Variants in PARD3 observed in about 807,000 individuals in gnomAD.
PARD3 encodes the protein par-3 family cell polarity regulator.
In PARD3, 75 loss-of-function variants were observed where a neutral mutation model predicts 155.4. That is an observed-to-expected ratio of 0.48 (90% CI 0.40 to 0.58). The LOEUF is 0.58. PARD3 is among the 20% of genes least tolerant of loss of function. The pLI, the probability that PARD3 is intolerant of heterozygous loss-of-function variation, is 0.00. For synonymous variants in PARD3, 576 were observed against 610.5 expected (o/e 0.94, Z 0.83); for missense variants, 1,642 against 1,721.7 (o/e 0.95, Z 0.82).
At chr10:34,142,251 A>C (rs1174922018) in intron 22 of PARD3, among the ~76,000 whole-genome samples, 3 of 152,178 alleles carry the variant, frequency 2.0e-5, no homozygotes, top group African/African-American at 7.2e-5. Flanking sequence ...ACTTTAGAAA[A>C]TAAAATGTTG....
In PARD3 at chr10:34,317,341, T is replaced by G; in HGVS notation, c.2834-3A>C. The G allele has an allele frequency of 8.8e-6, 14 of 1,585,146 alleles. No individual in the cohort carries two copies. Among genetic ancestry groups the G allele is most frequent in the Non-Finnish European group, 1.1e-5 (13 of 1,170,170 alleles). ...ACTTTCTTCTGTGTCTTCTTCCACTTGGAAGGAAAGAAAAAAAAATAGGGA... is the reference window on the plus strand; with the variant it reads ...ACTTTCTTCTGTGTCTTCTTCCACTGGGAAGGAAAGAAAAAAAAATAGGGA... On this transcript the variant is annotated splice_region_variant and splice_polypyrimidine_tract_variant and intron_variant, in intron 19 of 24. Coordinates refer to ENST00000374788, the MANE Select transcript of PARD3 (RefSeq NM_001184785.2).
chr10:34,588,001 C>T (rs2088265078), intron 2 of PARD3, among the ~76,000 whole-genome samples: 1 of 152,140 alleles, frequency 6.6e-6, no homozygotes, highest in Non-Finnish European at 1.5e-5. Flanking sequence ...TTTCATTCTG[C>T]ATTACTAAGA....
chr10:34,503,537 T>C (rs1198485845), intron 3 of PARD3, among the ~76,000 whole-genome samples: 1 of 152,196 alleles, frequency 6.6e-6, no homozygotes, highest in African/African-American at 2.4e-5. Flanking sequence ...TATATATGTA[T>C]TTGTATATAC....
intron 7 of PARD3, among the ~76,000 whole-genome samples, chr10:34,393,762 T>C (rs1843060814): frequency 6.6e-6 from 1 of 152,024 alleles, no homozygotes; most frequent in South Asian, 2.1e-4. Context: ...TAGCCATAAT[T>C]GTTTTCCATA....
chr10:34,472,431 T>C (rs2078412563), intron 3 of PARD3, among the ~76,000 whole-genome samples: 1 of 152,182 alleles, frequency 6.6e-6, no homozygotes, highest in Non-Finnish European at 1.5e-5. Context: ...TAAGGAAAGT[T>C]CTCTACCAAG....
At chr10:34,290,678 C>A (rs989531918) in intron 20 of PARD3, among the ~76,000 whole-genome samples, 12 of 152,174 alleles carry the variant, frequency 7.9e-5, no homozygotes, top group African/African-American at 2.7e-4. Flanking sequence ...TCCATTCTGT[C>A]CCTTTCTTCA....
chr10:34,741,173 A>ATTTTTT (rs1470627211), intron 1 of PARD3, among the ~76,000 whole-genome samples: 110 of 82,922 alleles, frequency 1.3e-3, no homozygotes, highest in African/African-American at 3.5e-3. Context: ...TCGTAAACCA[A>ATTTTTT]ATTTTTTTTT....
chr10:34,346,396 G>A (rs1215684358), intron 15 of PARD3: 2 of 1,337,184 alleles, frequency 1.5e-6, no homozygotes, highest in South Asian at 1.2e-5. Flanking sequence ...CAGGACGCAG[G>A]TTACAGGAAC....
At chr10:34,792,109 T>G (rs1813175455) in intron 1 of PARD3, among the ~76,000 whole-genome samples, 1 of 152,100 alleles carries the variant, frequency 6.6e-6, no homozygotes, top group Admixed American at 6.6e-5. Context: ...TGCCTCAGGA[T>G]GCGCGCCCAC....
At chr10:34,183,694 C>G (rs552036208) in intron 22 of PARD3, among the ~76,000 whole-genome samples, 1 of 152,158 alleles carries the variant, frequency 6.6e-6, no homozygotes, top group African/African-American at 2.4e-5. Flanking sequence ...AATAACACAC[C>G]GTCTCCTCCA....
rs745637071 is a variant in PARD3 at position 34,447,480 on chromosome 10, C to CAAAAAAAAAAAAAA, written c.714+2823_714+2836dup. On this transcript the variant is annotated intron_variant, in intron 5 of 24. Coordinates refer to ENST00000374788, the MANE Select transcript of PARD3 (RefSeq NM_001184785.2). Reference sequence around the variant, plus strand: ...TGGGCAACAGAGCAAGACTGCGTCTCAAAAAAAAAAAAAAAAAAAAAAAAA... The same window carrying CAAAAAAAAAAAAAA: ...TGGGCAACAGAGCAAGACTGCGTCTCAAAAAAAAAAAAAAAAAAAAAAAAAAAAAAAAAAAAAAA... Among the ~76,000 whole-genome samples the CAAAAAAAAAAAAAA allele has an allele frequency of 7.8e-4, 29 of 37,212 alleles. 3 individuals carry two copies. Among genetic ancestry groups the CAAAAAAAAAAAAAA allele is most frequent in the Admixed American group, 9.6e-4 (2 of 2,086 alleles). 24.4% of individuals were successfully genotyped at this position (37,212 alleles called of 152,430 possible).
intron 19 of PARD3, among the ~76,000 whole-genome samples, chr10:34,330,437 C>T (rs766745822): frequency 1.6e-4 from 25 of 151,744 alleles, no homozygotes; most frequent in Non-Finnish European, 3.4e-4. Flanking sequence ...TCAAAATAAA[C>T]ACACATAAAT....
At chr10:34,225,435 T>C (rs1952542161) in intron 22 of PARD3, among the ~76,000 whole-genome samples, 1 of 151,230 alleles carries the variant, frequency 6.6e-6, no homozygotes, top group Non-Finnish European at 1.5e-5. Flanking sequence ...AACCTCCACC[T>C]CCCGGGTTCA....
At chr10:34,797,261 C>T (rs1302157977) in intron 1 of PARD3, among the ~76,000 whole-genome samples, 7 of 152,182 alleles carry the variant, frequency 4.6e-5, no homozygotes, top group Non-Finnish European at 1.0e-4. Flanking sequence ...AGCGATTCTC[C>T]CACCTCAGCC....
intron 1 of PARD3, among the ~76,000 whole-genome samples, chr10:34,713,822 G>A (rs1018709267): frequency 1.3e-5 from 2 of 151,932 alleles, no homozygotes; most frequent in Non-Finnish European, 1.5e-5. Context: ...ATAGGGTCAC[G>A]GACATCTCCA....
intron 2 of PARD3, among the ~76,000 whole-genome samples, chr10:34,519,885 A>ATAACATAACATAAC (rs1564804158): frequency 2.8e-5 from 3 of 106,620 alleles, no homozygotes; most frequent in African/African-American, 6.8e-5. Flanking sequence ...CATAACATAA[A>ATAACATAACATAAC]AATAGAAAAT....
rs1305890926 is a variant in PARD3 at position 34,378,123 on chromosome 10, G to A, written c.1400-17C>T. 8 of 1,555,102 alleles carry A rather than the reference G, an allele frequency of 5.1e-6. No homozygotes were observed. In the East Asian group the frequency reaches 2.0e-4, roughly 39 times the overall value. On this transcript the variant is annotated splice_polypyrimidine_tract_variant and intron_variant, in intron 9 of 24. Transcript: ENST00000374788. ...CTTCTGTACCTAGGTATGTGAAGGA[G>A]AAGAAAAGTAAATAAAATGAGATAT... is the stretch of plus-strand genomic sequence containing the variant.
intron 2 of PARD3, among the ~76,000 whole-genome samples, chr10:34,579,347 A>G (rs72798436): frequency 2.8e-4 from 43 of 151,834 alleles, no homozygotes; most frequent in Non-Finnish European, 5.2e-4. Context: ...GCCTCTAAGC[A>G]CTACCTTGCG....
chr10:34,658,002 C>T (rs925369287), intron 2 of PARD3, among the ~76,000 whole-genome samples: 1 of 151,874 alleles, frequency 6.6e-6, no homozygotes, highest in Admixed American at 6.6e-5. Context: ...AAAAATTAGC[C>T]GGGCGTGGTT....
Sources: allele counts gnomAD v4.1 joint callset (sites outside exome capture counted in the v4.1 genomes callset), GRCh38; gene constraint gnomAD v4.1.1; transcripts MANE v1.5; gene names NCBI Gene and HGNC (gene_info 2026-07-23, HGNC 2026-07-21).